Variants in GC observed in about 807,000 individuals in gnomAD.
The protein encoded by GC is vitamin D-binding protein.
In GC, 43 loss-of-function variants were observed where a neutral mutation model predicts 56.7. That is an observed-to-expected ratio of 0.76 (90% CI 0.59 to 0.98). GC has a LOEUF of 0.98. Among genes scored for constraint, GC ranks in the 50% least tolerant of loss-of-function variants. GC has a pLI of 0.00. For missense variants in GC, 529 were observed against 545.9 expected (o/e 0.97, Z 0.31); for synonymous variants, 216 against 202.7 (o/e 1.07, Z -0.56).
At chr4:71,746,265 A>G in intron 11 of GC, 60 bp from the exon 12 acceptor site, 1 of 783,694 alleles carries the variant, frequency 1.3e-6, no homozygotes, top group Non-Finnish European at 2.2e-6. Context: ...AGGCTACTAG[A>G]TCATGCAGAA....
chr4:71,768,442 A>T lies in GC; in HGVS notation c.129-9T>A, dbSNP rs772584997. 9 of 1,596,952 alleles carry T rather than the reference A, an allele frequency of 5.6e-6. No homozygotes were observed. The South Asian group carries it at 1.0e-4, about 18-fold the overall frequency. On this transcript the variant is annotated splice_polypyrimidine_tract_variant and intron_variant, in intron 2 of 12. Transcript: ENST00000273951. The stretch of plus-strand genomic sequence containing the variant: ...TGTACAGGACTAGTGACCTGAGGGG[A>T]AAATAAGACAATATATCAATTAGAA...
chr4:71,789,144 G>A (rs1217595165), intron 1 of GC, among the ~76,000 whole-genome samples: 1 of 149,020 alleles, frequency 6.7e-6, no homozygotes, highest in East Asian at 2.0e-4. Flanking sequence ...AAGAGAAAAT[G>A]AGAGAATCGA....
chr4:71,771,524 A>T (rs1578304814), intron 1 of GC, among the ~76,000 whole-genome samples: 2 of 152,122 alleles, frequency 1.3e-5, no homozygotes, highest in African/African-American at 4.8e-5. Flanking sequence ...AGCACTTTTT[A>T]ACAAGAGACC....
chr4:71,805,060 G>C (rs1054971490), upstream of GC, among the ~76,000 whole-genome samples: 2 of 152,094 alleles, frequency 1.3e-5, no homozygotes, highest in African/African-American at 4.8e-5. Context: ...CCTTGTGCAT[G>C]ATATTGTTTA....
At chr4:71,763,623 G>A in intron 5 of GC, 121 bp from the exon 6 acceptor site, 1 of 755,316 alleles carries the variant, frequency 1.3e-6, no homozygotes, top group Non-Finnish European at 2.2e-6. Context: ...GAACACTGGT[G>A]AAAGGAACTT....
At chr4:71,773,707 A>T (rs1035217010) in intron 1 of GC, among the ~76,000 whole-genome samples, 1 of 152,044 alleles carries the variant, frequency 6.6e-6, no homozygotes, top group Non-Finnish European at 1.5e-5. Flanking sequence ...CCTAAATATC[A>T]TTGACATAAA....
At chr4:71,790,776 A>C (rs964643400) in intron 1 of GC, among the ~76,000 whole-genome samples, 6 of 151,404 alleles carry the variant, frequency 4.0e-5, no homozygotes, top group African/African-American at 1.5e-4. Context: ...TAATTTTATT[A>C]TTATTATACT....
chr4:71,758,254 T>A, intron 6 of GC, 83 bp from the exon 7 acceptor site: 1 of 1,246,720 alleles, frequency 8.0e-7, no homozygotes, highest in Non-Finnish European at 1.1e-6. Context: ...TTTGGAGAAA[T>A]AATATCACAA....
At chr4:71,801,738 G>A (rs1332764110) in intron 1 of GC, among the ~76,000 whole-genome samples, 1 of 151,410 alleles carries the variant, frequency 6.6e-6, no homozygotes, top group Non-Finnish European at 1.5e-5. Context: ...TAATAATAAT[G>A]AAGCAATTAT....
At chr4:71,773,718 T>TA (rs537843870) in intron 1 of GC, among the ~76,000 whole-genome samples, 259 of 152,150 alleles carry the variant, frequency 1.7e-3, no homozygotes, top group African/African-American at 6.0e-3. Context: ...TTGACATAAA[T>TA]AAGTGCTCGT....
intron 1 of GC, 172 bp from the exon 2 acceptor site, chr4:71,769,572 G>A (rs903109796): frequency 1.8e-6 from 1 of 554,626 alleles, no homozygotes; most frequent in East Asian, 3.1e-5. Flanking sequence ...CTCATAACAG[G>A]CCACAATTTT....
intron 1 of GC, among the ~76,000 whole-genome samples, chr4:71,783,610 G>A (rs558472989): frequency 6.6e-6 from 1 of 151,836 alleles, no homozygotes; most frequent in South Asian, 2.1e-4. Flanking sequence ...AATGCTTAAT[G>A]GTGGATCACA....
At chr4:71,803,211 A>G (rs1578329747) in intron 1 of GC, among the ~76,000 whole-genome samples, 2 of 152,198 alleles carry the variant, frequency 1.3e-5, no homozygotes, top group African/African-American at 4.8e-5. Flanking sequence ...TAGAATCCAA[A>G]GATTTAACAA....
intron 1 of GC, among the ~76,000 whole-genome samples, chr4:71,779,488 TG>T (rs1380865551): frequency 6.6e-6 from 1 of 151,726 alleles, no homozygotes; most frequent in Admixed American, 6.6e-5. Context: ...TGCAAAGCCC[TG>T]GGGTGCAAAG....
Position 71,756,852 on chromosome 4 carries a change from G to A in GC, c.894C>T (p.Asp298=), listed in dbSNP as rs755645583. The A allele has an allele frequency of 3.7e-6, 6 of 1,613,410 alleles. No homozygotes were observed. In the South Asian group the frequency reaches 6.6e-5, roughly 18 times the overall value. The change falls in exon 8 of 13, where the codon GAC becomes GAT. Residue 298 remains aspartate (D), a synonymous_variant. Coordinates refer to ENST00000273951, the MANE Select transcript of GC (RefSeq NM_000583.4). ...CCATGGCTGTTTTTTCTTGACAACA[G>A]TCTTCAAACTTAGAATTCTTTGTGG... ...NLSTKNSKFE[D]CCQEKTAMDV... is the part of the protein sequence containing the mutation.
intron 1 of GC, among the ~76,000 whole-genome samples, chr4:71,783,006 A>G (rs56839716): frequency 0.019 from 2,913 of 151,910 alleles, 92 homozygotes; most frequent in African/African-American, 0.067. Context: ...AAGACCAAGG[A>G]AAAGTAAATG....
upstream of GC, among the ~76,000 whole-genome samples, chr4:71,805,282 C>T (rs1247685692): frequency 6.6e-6 from 1 of 152,132 alleles, no homozygotes; most frequent in African/African-American, 2.4e-5. Context: ...TTGAAAATTC[C>T]CTCAAACTTG....
Position 71,741,870 on chromosome 4 carries a change from T to C in GC, c.*26A>G, listed in dbSNP as rs1246399720. 1.4e-6 allele frequency: 1 copy of C among 702,796 alleles called. No homozygotes were observed. Among genetic ancestry groups the C allele is most frequent in the Non-Finnish European group, 2.6e-6 (1 of 384,994 alleles). The allele number at this position is 702,796 out of a possible 1,614,324, so 43.5% of individuals were successfully genotyped here. ...TTCCCCTGGGTGGCTCCAACTCTGG[T>C]CTATGAGAATAATGAAATGAATTTT... On this transcript the variant is annotated splice_region_variant and 3_prime_UTR_variant, in exon 13 of 13. Coordinates refer to ENST00000273951, the MANE Select transcript of GC (RefSeq NM_000583.4).
At chr4:71,764,751 C>T (rs569311494) in intron 4 of GC, among the ~76,000 whole-genome samples, 6 of 152,148 alleles carry the variant, frequency 3.9e-5, no homozygotes, top group Non-Finnish European at 8.8e-5. Context: ...ATGAGCAATC[C>T]TACTAATTTT....
Sources: allele counts gnomAD v4.1 joint callset (sites outside exome capture counted in the v4.1 genomes callset), GRCh38; gene constraint gnomAD v4.1.1; transcripts MANE v1.5; gene names NCBI Gene and HGNC (gene_info 2026-07-23, HGNC 2026-07-21).